Variants in ADD1 observed in about 807,000 individuals in gnomAD.
ADD1 encodes alpha-adducin.
ADD1 carries 24 observed loss-of-function variants against 80.5 expected under a neutral mutation model. The ratio of observed to expected loss-of-function variants is 0.30; its 90% CI spans 0.22 to 0.42. The LOEUF (loss-of-function observed/expected upper bound fraction) is 0.42, where lower values mean the gene tolerates loss of function less well. Ranked by LOEUF, ADD1 falls within the 10% of genes least tolerant of loss-of-function variation. The pLI is 1.00. For synonymous variants in ADD1, 373 were observed against 393.8 expected, an observed-to-expected ratio of 0.95 and a Z score of 0.63; for missense variants, 948 against 1,019.0, an observed-to-expected ratio of 0.93 and a Z score of 0.95.
At chr4:2,898,933 C>G in intron 8 of ADD1, 1 of 377,732 alleles carries the variant, frequency 2.6e-6, no homozygotes, top group Non-Finnish European at 4.8e-6. Context: ...AGTTCCCCTC[C>G]GCTCCGTCAG....
chr4:2,873,861 G>A (rs1730835031), intron 1 of ADD1, among the ~76,000 whole-genome samples: 1 of 152,180 alleles, frequency 6.6e-6, no homozygotes, highest in African/African-American at 2.4e-5. Context: ...ACAATAAATA[G>A]ATTGGGTAAC....
Position 2,926,262 on chromosome 4 carries a change from G to T in ADD1, c.2047+150G>T, listed in dbSNP as rs1306979358. ...CGTGACACCTTTCTCCTCCTATATT[G>T]CTTCTGTCCTGGGTAACTCCAGGCA... On this transcript the variant is annotated intron_variant, in intron 15 of 15. Coordinates refer to ENST00000683351, the MANE Select transcript of ADD1 (RefSeq NM_001354761.2). This position sits in a 1 kb window ranked among gnomAD's most constrained non-coding sequence, Gnocchi z 5.0. 1.3e-6 allele frequency: 1 copy of T among 774,334 alleles called. No homozygotes were observed. Among genetic ancestry groups the T allele is most frequent in the Non-Finnish European group, 2.3e-6 (1 of 440,890 alleles). The allele number at this position is 774,334 out of a possible 1,614,324, so 48.0% of individuals were successfully genotyped here.
chr4:2,881,841 C>G (rs1478376384), intron 2 of ADD1, 57 bp from the exon 3 acceptor site: 1 of 1,493,834 alleles, frequency 6.7e-7, no homozygotes, highest in South Asian at 1.4e-5. Flanking sequence ...ACTTCTGACC[C>G]CCTGCCCAAG....
At position 2,869,419 on chromosome 4, in the gene ADD1, C is replaced by T. The variant is rs186506882; in HGVS notation, c.-20-6477C>T. The stretch of plus-strand genomic sequence containing the variant: ...TGCGTGTCTCTTTGTCCGCATTTTC[C>T]GTTTTATAAGGACATAAGTCATTTT... On this transcript the variant is annotated intron_variant, in intron 1 of 15. Coordinates refer to ENST00000683351, the MANE Select transcript of ADD1 (RefSeq NM_001354761.2). Among the ~76,000 whole-genome samples, 151 of 152,276 alleles carry T rather than the reference C, an allele frequency of 9.9e-4. 1 individual carries two copies. The highest frequency in any genetic ancestry group is 3.5e-3 in the Admixed American group (54 of 15,284).
At chr4:2,868,388 G>C (rs889311384) in intron 1 of ADD1, among the ~76,000 whole-genome samples, 2 of 152,152 alleles carry the variant, frequency 1.3e-5, no homozygotes, top group Non-Finnish European at 2.9e-5. Context: ...GTGTGCTGAC[G>C]GCTGCACTGT....
At chr4:2,922,432 C>T (rs1453506145) in intron 14 of ADD1, among the ~76,000 whole-genome samples, 1 of 152,212 alleles carries the variant, frequency 6.6e-6, no homozygotes, top group Non-Finnish European at 1.5e-5. Context: ...TGGAGGTCGA[C>T]TCCAGGCCCT....
chr4:2,929,927 C>T lies in ADD1; in HGVS notation c.*1404C>T, dbSNP rs1239040036. ...CACATATGCAATGACTTTTAATTTT[C>T]ACTTTTGTAGTTTAATCCTTTGTAT... On this transcript the variant is annotated 3_prime_UTR_variant, in exon 16 of 16. Coordinates refer to ENST00000683351, the MANE Select transcript of ADD1 (RefSeq NM_001354761.2). 1 of 152,644 alleles carries T rather than the reference C, an allele frequency of 6.6e-6. No individual in the cohort carries two copies. The highest frequency in any genetic ancestry group is 1.5e-5 in the Non-Finnish European group (1 of 68,048). The allele number at this position is 152,644 out of a possible 1,614,324, so 9.5% of individuals were successfully genotyped here.
In ADD1 at chr4:2,928,236, G is replaced by A. The variant is rs766982437; in HGVS notation, c.2113G>A (p.Asp705Asn). ...TGCCACCTTTAAGCCAACTCTCCCC[G>A]ATCTGTCCCCTGATGAACCTTCAGA... ...DAATFKPTLPDLSPDEPSEAL... is the reference protein window; with the variant it reads ...DAATFKPTLPNLSPDEPSEAL... The change falls in exon 16 of 16, where the codon GAT becomes AAT. Residue 705 changes from aspartate to asparagine, a missense_variant. Asp to Asn is a conservative substitution (Grantham distance 23). Transcript: ENST00000683351. 1.1e-5 allele frequency: 18 copies of A among 1,613,886 alleles called. No individual in the cohort carries two copies. Among genetic ancestry groups the A allele is most frequent in the Admixed American group, 5.0e-5 (3 of 59,984 alleles).
chr4:2,852,302 TTTTC>T (rs1444107187), intron 1 of ADD1, among the ~76,000 whole-genome samples: 3 of 137,824 alleles, frequency 2.2e-5, no homozygotes, highest in Non-Finnish European at 3.1e-5. Flanking sequence ...TTTTCTTTTC[TTTTC>T]TTTTTTTTCT....
intron 6 of ADD1, among the ~76,000 whole-genome samples, chr4:2,897,133 G>T (rs1735377769): frequency 6.6e-6 from 1 of 152,088 alleles, no homozygotes; most frequent in Middle Eastern, 3.2e-3. Flanking sequence ...ACTTTGGAAG[G>T]AGTTAAATGT....
rs781670939 is a variant in ADD1 at position 2,893,966 on chromosome 4, A to G, written c.511-47A>G. On this transcript the variant is annotated intron_variant, in intron 4 of 15. Coordinates refer to ENST00000683351, the MANE Select transcript of ADD1 (RefSeq NM_001354761.2). ...AATTTGTAGCCTGAAAGAGATGCAA[A>G]TAATTTCACTTGGATCTTTGAGCTA... is the stretch of plus-strand genomic sequence containing the variant. The G allele has an allele frequency of 2.6e-6, 4 of 1,545,576 alleles. No individual in the cohort carries two copies. The Admixed American group carries it at 6.7e-5, about 26-fold the overall frequency.
chr4:2,919,754 GTCTA>G lies in ADD1; in HGVS notation c.1948+4720_1948+4723del, dbSNP rs780317034. Among the ~76,000 whole-genome samples the G allele has an allele frequency of 1.3e-3, 201 of 151,134 alleles. 2 individuals carry two copies. Among genetic ancestry groups the G allele is most frequent in the Non-Finnish European group, 2.5e-4 (17 of 67,882 alleles). On this transcript the variant is annotated intron_variant, in intron 14 of 15. Coordinates refer to ENST00000683351, the MANE Select transcript of ADD1 (RefSeq NM_001354761.2). ...TCTTTTTTATTAGTCTGGCTAAATG[GTCTA>G]TCTATTTTATCAATCTTTAAAAAAA...
intron 1 of ADD1, among the ~76,000 whole-genome samples, chr4:2,870,998 T>C (rs1367139357): frequency 6.6e-6 from 1 of 150,940 alleles, no homozygotes; most frequent in African/African-American, 2.4e-5. Flanking sequence ...AGCTGGAGTC[T>C]CGCTCTGTCA....
At chr4:2,848,773 GA>G (rs1726636775) in intron 1 of ADD1, among the ~76,000 whole-genome samples, 1 of 152,046 alleles carries the variant, frequency 6.6e-6, no homozygotes, top group Non-Finnish European at 1.5e-5. Flanking sequence ...CACTGCACCT[GA>G]CCTGTTTCCA....
At chr4:2,910,670 G>A (rs542138060) in intron 13 of ADD1, among the ~76,000 whole-genome samples, 49 of 152,272 alleles carry the variant, frequency 3.2e-4, no homozygotes, top group Middle Eastern at 3.4e-3. Flanking sequence ...AGCCTGGGTC[G>A]CCGTGTTCAA....
chr4:2,873,649 C>A (rs1008743050), intron 1 of ADD1, among the ~76,000 whole-genome samples: 1 of 152,294 alleles, frequency 6.6e-6, no homozygotes, highest in South Asian at 2.1e-4. Flanking sequence ...CTAAAATATA[C>A]CCTCATATCC....
chr4:2,901,645 C>T (rs961758374), intron 9 of ADD1: 3 of 152,208 alleles, frequency 2.0e-5, no homozygotes, highest in Non-Finnish European at 4.4e-5. Flanking sequence ...TTGCCAATTT[C>T]CACACTATAA....
intron 1 of ADD1, among the ~76,000 whole-genome samples, chr4:2,873,117 T>G (rs1730716717): frequency 1.3e-5 from 2 of 152,088 alleles, no homozygotes; most frequent in South Asian, 4.2e-4. Context: ...CTCAGCCTCC[T>G]GAGTAGCTGA....
At position 2,928,655 on chromosome 4, in the gene ADD1, G is replaced by C; in HGVS notation, c.*132G>C. Reference sequence around the variant, plus strand: ...CCTCCGCCTAGAGGTCCCCTCACGTGACCAGCCCCGTGTAGCCCCGGGCTG... The same window carrying C: ...CCTCCGCCTAGAGGTCCCCTCACGTCACCAGCCCCGTGTAGCCCCGGGCTG... On this transcript the variant is annotated 3_prime_UTR_variant, in exon 16 of 16. Transcript: ENST00000683351. 1 of 962,494 alleles carries C rather than the reference G, an allele frequency of 1.0e-6. No homozygotes were observed. The highest frequency in any genetic ancestry group is 1.6e-6 in the Non-Finnish European group (1 of 641,452). 59.6% of individuals were successfully genotyped at this position (962,494 alleles called of 1,614,324 possible).
Sources: allele counts gnomAD v4.1 joint callset (sites outside exome capture counted in the v4.1 genomes callset), GRCh38; gene constraint gnomAD v4.1.1; non-coding constraint Gnocchi (gnomAD v3.1); transcripts MANE v1.5; gene names NCBI Gene and HGNC (gene_info 2026-07-23, HGNC 2026-07-21).